The following ANO3 variants were observed in gnomAD, a reference collection of about 807,000 sequenced individuals.
The protein encoded by ANO3 is anoctamin-3.
In ANO3, 99 loss-of-function variants were observed where a neutral mutation model predicts 144.8. The observed-to-expected ratio is 0.68, with a 90% confidence interval of 0.58 to 0.81. The LOEUF is 0.81. Ranked by LOEUF, ANO3 falls within the 30% of genes least tolerant of loss-of-function variation. The pLI is 0.00. For synonymous variants in ANO3, 414 were observed against 392.6 expected (o/e 1.05, Z -0.64); for missense variants, 905 against 1,202.2 (o/e 0.75, Z 3.66).
At chr11:26,309,089 T>G (rs1027195752), upstream of ANO3, among the ~76,000 whole-genome samples, 5 of 152,148 alleles carry the variant, frequency 3.3e-5, no homozygotes, top group African/African-American at 1.2e-4. Context: ...TAGGAATGAT[T>G]GTTCCTAAGT....
chr11:26,238,754 G>A (rs938493635), intron 1 of ANO3, among the ~76,000 whole-genome samples: 1 of 151,966 alleles, frequency 6.6e-6, no homozygotes, highest in Non-Finnish European at 1.5e-5. Flanking sequence ...TAGAGCAGAA[G>A]AAAGTGGGTT....
chr11:26,279,428 T>C (rs1853629507), intron 1 of ANO3, among the ~76,000 whole-genome samples: 2 of 152,158 alleles, frequency 1.3e-5, no homozygotes, highest in South Asian at 4.1e-4. Context: ...GTAAAGAACT[T>C]TGCAAATCAT....
At chr11:26,348,039 T>C (rs916625814) in intron 1 of ANO3, among the ~76,000 whole-genome samples, 1 of 152,068 alleles carries the variant, frequency 6.6e-6, no homozygotes, top group Non-Finnish European at 1.5e-5. Context: ...CCTCAAAAAA[T>C]TTCACTCATT....
chr11:26,514,668 AAC>A (rs1861795365), intron 5 of ANO3, among the ~76,000 whole-genome samples: 1 of 152,106 alleles, frequency 6.6e-6, no homozygotes, highest in South Asian at 2.1e-4. Context: ...AAGTTGGTGC[AAC>A]ACTGGTAGCC....
At chr11:26,226,557 C>T (rs1852261214) in intron 1 of ANO3, among the ~76,000 whole-genome samples, 1 of 152,066 alleles carries the variant, frequency 6.6e-6, no homozygotes, top group Admixed American at 6.6e-5. Flanking sequence ...TACTTGAAAT[C>T]ATAGTATATG....
chr11:26,404,916 G>T (rs2133978519), intron 1 of ANO3, among the ~76,000 whole-genome samples: 1 of 148,178 alleles, frequency 6.7e-6, no homozygotes, highest in Non-Finnish European at 1.5e-5. Flanking sequence ...GCTAATTTCA[G>T]CAAGGAATTT....
intron 14 of ANO3, among the ~76,000 whole-genome samples, chr11:26,578,424 G>A (rs913053470): frequency 1.3e-5 from 2 of 152,190 alleles, no homozygotes; most frequent in African/African-American, 4.8e-5. Context: ...TGGAAAGTGG[G>A]GTTTTAGGGG....
intron 10 of ANO3, among the ~76,000 whole-genome samples, chr11:26,539,817 T>G (rs1434159673): frequency 1.3e-5 from 2 of 152,212 alleles, no homozygotes; most frequent in Admixed American, 6.5e-5. Context: ...AGGTATTATC[T>G]AAGTTGACTC....
intron 1 of ANO3, among the ~76,000 whole-genome samples, chr11:26,255,798 C>A (rs1853043776): frequency 1.3e-5 from 2 of 152,070 alleles, no homozygotes; most frequent in Non-Finnish European, 2.9e-5. Flanking sequence ...AATCATGATG[C>A]TCTACAGTCT....
At chr11:26,351,949 T>C (rs1855656356) in intron 1 of ANO3, among the ~76,000 whole-genome samples, 1 of 152,220 alleles carries the variant, frequency 6.6e-6, no homozygotes, top group African/African-American at 2.4e-5. Context: ...TTCATCCCTA[T>C]GTATTAACAG....
chr11:26,642,829 C>CTCTT (rs71449131), intron 22 of ANO3, among the ~76,000 whole-genome samples: 57,096 of 151,432 alleles, frequency 0.38, 11,601 homozygotes, highest in South Asian at 0.48. Context: ...CCTCCTCCAT[C>CTCTT]TCTTATTCTT....
chr11:26,333,661 G>T (rs192726791), intron 1 of ANO3, among the ~76,000 whole-genome samples: 35 of 152,276 alleles, frequency 2.3e-4, no homozygotes, highest in African/African-American at 8.2e-4. Flanking sequence ...GCGTAAGACA[G>T]AATATGGGAC....
upstream of ANO3, among the ~76,000 whole-genome samples, chr11:26,309,012 G>T (rs1854447802): frequency 6.6e-6 from 1 of 152,148 alleles, no homozygotes; most frequent in Non-Finnish European, 1.5e-5. Context: ...TGGGAATGTA[G>T]TCTCCACTGC....
intron 3 of ANO3, among the ~76,000 whole-genome samples, chr11:26,452,848 A>C (rs1859000080): frequency 6.6e-6 from 1 of 152,258 alleles, no homozygotes; most frequent in African/African-American, 2.4e-5. Flanking sequence ...GGTTACCTAC[A>C]AAGGGAAGCC....
At chr11:26,643,377 A>C in intron 23 of ANO3, 43 bp downstream of exon 23, 1 of 1,607,036 alleles carries the variant, frequency 6.2e-7, no homozygotes. Context: ...GCTAACACCA[A>C]TAGGTTGCTA....
chr11:26,350,838 AGTCTAAATTTAGCCTTATATTTCTT>A (rs1263761825), intron 1 of ANO3, among the ~76,000 whole-genome samples: 1 of 152,196 alleles, frequency 6.6e-6, no homozygotes, highest in Non-Finnish European at 1.5e-5. Context: ...GTGAAAGGTA[AGTCTAAATTTAGCCTTATATTTCTT>A]TATTAGGGGT....
rs184605558 is a variant in ANO3 at position 26,592,096 on chromosome 11, G to A, written c.1448-6269G>A. Among the ~76,000 whole-genome samples the A allele has an allele frequency of 9.3e-4, 142 of 152,254 alleles. 3 individuals are homozygous for A. The South Asian group carries it at 0.028, about 30-fold the overall frequency. The stretch of plus-strand genomic sequence containing the variant: ...GTTGACATTTAGCTAAGGAGGTGAT[G>A]TCTTCAATTAAGTTGGCTCTCTCTT... On this transcript the variant is annotated intron_variant, in intron 14 of 26. Transcript: ENST00000256737.
At chr11:26,387,155 G>A (rs1253830844) in intron 1 of ANO3, among the ~76,000 whole-genome samples, 4 of 92,162 alleles carry the variant, frequency 4.3e-5, no homozygotes, top group African/African-American at 7.6e-5. Flanking sequence ...TTTTTTTTTA[G>A]TAGAGACAGG....
intron 1 of ANO3, among the ~76,000 whole-genome samples, chr11:26,365,019 G>C (rs1856027463): frequency 6.6e-6 from 1 of 152,218 alleles, no homozygotes; most frequent in South Asian, 2.1e-4. Flanking sequence ...TCAAAGGCAG[G>C]TTATTTACTT....
Sources: gnomAD v4.1 joint callset for allele counts (sites outside exome capture counted in the v4.1 genomes callset) on GRCh38, gnomAD v4.1.1 for gene constraint, MANE v1.5 for transcripts, NCBI Gene and HGNC (gene_info 2026-07-23, HGNC 2026-07-21) for gene names.